EPHA3: variants seen among roughly 807,000 people sequenced by gnomAD.
The protein encoded by EPHA3 is EPH receptor A3.
A neutral mutation model predicts 107.1 loss-of-function variants in EPHA3; 42 were observed. That is an observed-to-expected ratio of 0.39 (90% CI 0.31 to 0.51). The LOEUF (loss-of-function observed/expected upper bound fraction) is 0.51, where lower values mean the gene tolerates loss of function less well. Among genes scored for constraint, EPHA3 ranks in the 20% least tolerant of loss-of-function variants. The probability of loss-of-function intolerance (pLI) is 0.78; values close to 1 mark genes in which losing one functional copy is unlikely to be tolerated. For synonymous variants in EPHA3, 461 were observed against 424.8 expected (o/e 1.09, Z -1.05); for missense variants, 1,183 against 1,211.2 (o/e 0.98, Z 0.35).
intron 5 of EPHA3, among the ~76,000 whole-genome samples, chr3:89,351,214 G>T (rs1336480355): frequency 2.0e-5 from 3 of 151,238 alleles, no homozygotes; most frequent in Non-Finnish European, 4.4e-5. Flanking sequence ...CCCTCCCCCA[G>T]CCTCGCTGCT....
At chr3:89,372,266 T>C (rs1235074276) in intron 5 of EPHA3, among the ~76,000 whole-genome samples, 1 of 151,572 alleles carries the variant, frequency 6.6e-6, no homozygotes, top group African/African-American at 2.4e-5. Flanking sequence ...GCTTCACTAG[T>C]CATGACCTAG....
At chr3:89,278,408 T>C (rs1288488981) in intron 3 of EPHA3, among the ~76,000 whole-genome samples, 1 of 152,040 alleles carries the variant, frequency 6.6e-6, no homozygotes, top group East Asian at 1.9e-4. Context: ...CACGATTAGT[T>C]TACTAACTTC....
chr3:89,453,275 A>C (rs1224034425), intron 15 of EPHA3, among the ~76,000 whole-genome samples: 2 of 152,124 alleles, frequency 1.3e-5, no homozygotes, highest in African/African-American at 4.8e-5. Context: ...TAACTCATGT[A>C]ATGTAATGTA....
chr3:89,435,005 A>G (rs1338264924), intron 13 of EPHA3, among the ~76,000 whole-genome samples: 2 of 152,122 alleles, frequency 1.3e-5, no homozygotes, highest in African/African-American at 2.4e-5. Flanking sequence ...ATCTCTCATA[A>G]TAGGCCTTAT....
intron 10 of EPHA3, among the ~76,000 whole-genome samples, chr3:89,415,735 A>G (rs1709234796): frequency 6.6e-6 from 1 of 151,298 alleles, no homozygotes; most frequent in Non-Finnish European, 1.5e-5. Flanking sequence ...AAATTTCTGA[A>G]GAAAGTAAAT....
In EPHA3 at chr3:89,116,057, C is replaced by T. The variant is rs374254299; in HGVS notation, c.88+8221C>T. Among the ~76,000 whole-genome samples, 9 of 152,226 alleles carry T rather than the reference C, an allele frequency of 5.9e-5. No homozygotes were observed. The East Asian group carries it at 9.7e-4, about 16-fold the overall frequency. On this transcript the variant is annotated intron_variant, in intron 1 of 16. Coordinates refer to ENST00000336596, the MANE Select transcript of EPHA3 (RefSeq NM_005233.6). ...TACACTCATAAGTTATGATTATCTG[C>T]GTGTGGGGGGGACCCACTAAGAAAC...
At chr3:89,454,402 C>G (rs1055614827) in intron 15 of EPHA3, among the ~76,000 whole-genome samples, 1 of 152,090 alleles carries the variant, frequency 6.6e-6, no homozygotes, top group African/African-American at 2.4e-5. Context: ...ATTAGAGCAA[C>G]TCTTGGTACC....
At chr3:89,252,772 G>C (rs1199664918) in intron 3 of EPHA3, among the ~76,000 whole-genome samples, 1 of 151,558 alleles carries the variant, frequency 6.6e-6, no homozygotes, top group Non-Finnish European at 1.5e-5. Context: ...CTTATCTTAA[G>C]AGATGTCAAC....
intron 5 of EPHA3, among the ~76,000 whole-genome samples, chr3:89,345,637 T>G (rs998806020): frequency 1.3e-5 from 2 of 149,700 alleles, no homozygotes. Context: ...TTTTTATACT[T>G]TAAGTTTTAG....
intron 5 of EPHA3, among the ~76,000 whole-genome samples, chr3:89,382,719 C>A (rs948430301): frequency 1.9e-4 from 29 of 152,156 alleles, no homozygotes; most frequent in African/African-American, 6.5e-4. Flanking sequence ...CTGTCTCTAG[C>A]AGTCTGGTAC....
At chr3:89,256,289 T>G (rs1187365469) in intron 3 of EPHA3, among the ~76,000 whole-genome samples, 1 of 151,890 alleles carries the variant, frequency 6.6e-6, no homozygotes, top group East Asian at 1.9e-4. Flanking sequence ...GGCTCACGCC[T>G]GTAATTCCCA....
intron 3 of EPHA3, among the ~76,000 whole-genome samples, chr3:89,335,832 A>G (rs142711708): frequency 6.6e-6 from 1 of 152,216 alleles, no homozygotes; most frequent in South Asian, 2.1e-4. Context: ...GTTAAGATCC[A>G]TGAATAATTT....
intron 5 of EPHA3, among the ~76,000 whole-genome samples, chr3:89,385,313 C>T (rs1262560550): frequency 1.3e-5 from 2 of 152,182 alleles, no homozygotes; most frequent in Non-Finnish European, 2.9e-5. Context: ...CAAATCTCAA[C>T]TGGAATTATA....
At chr3:89,472,138 T>A (rs894235209) in intron 15 of EPHA3, among the ~76,000 whole-genome samples, 2 of 152,208 alleles carry the variant, frequency 1.3e-5, no homozygotes, top group East Asian at 3.8e-4. Flanking sequence ...TGTAACCGTA[T>A]CCTAAATTAC....
intron 2 of EPHA3, among the ~76,000 whole-genome samples, chr3:89,177,879 T>G (rs1241621593): frequency 6.6e-6 from 1 of 152,198 alleles, no homozygotes; most frequent in Non-Finnish European, 1.5e-5. Flanking sequence ...ATTTAAATAC[T>G]GTGCTGTTCA....
intron 3 of EPHA3, among the ~76,000 whole-genome samples, chr3:89,324,278 A>T (rs1707114910): frequency 6.7e-6 from 1 of 148,578 alleles, no homozygotes; most frequent in African/African-American, 2.5e-5. Flanking sequence ...AGCGATTCTC[A>T]TGCTTCAGCC....
intron 7 of EPHA3, among the ~76,000 whole-genome samples, chr3:89,402,837 C>T (rs1414591002): frequency 6.6e-6 from 1 of 152,032 alleles, no homozygotes; most frequent in East Asian, 1.9e-4. Flanking sequence ...GCCACAATGC[C>T]CAGCTAATTT....
chr3:89,259,243 C>T lies in EPHA3; in HGVS notation c.814+48723C>T, dbSNP rs1257338270. Among the ~76,000 whole-genome samples, 3 of 152,156 alleles carry T rather than the reference C, an allele frequency of 2.0e-5. No individual in the cohort carries two copies. In the East Asian group the frequency reaches 5.8e-4, roughly 29 times the overall value. ...CCAGTTCTTCTTCACCTGTGGCCAC[C>T]TTGCTGCTGCTTGCAGGGACAGGCC... On this transcript the variant is annotated intron_variant, in intron 3 of 16. Coordinates refer to ENST00000336596, the MANE Select transcript of EPHA3 (RefSeq NM_005233.6).
intron 2 of EPHA3, among the ~76,000 whole-genome samples, chr3:89,151,891 C>T (rs1353989468): frequency 6.6e-6 from 1 of 151,996 alleles, no homozygotes; most frequent in Non-Finnish European, 1.5e-5. Context: ...AAACTTTTCT[C>T]CAAATTCTGT....
Sources: gnomAD v4.1 joint callset for allele counts (sites outside exome capture counted in the v4.1 genomes callset) on GRCh38, gnomAD v4.1.1 for gene constraint, MANE v1.5 for transcripts, NCBI Gene and HGNC (gene_info 2026-07-23, HGNC 2026-07-21) for gene names.